Variants in GLS observed in about 807,000 individuals in gnomAD.
GLS encodes glutaminase kidney isoform, mitochondrial.
In GLS, 36 loss-of-function variants were observed where a neutral mutation model predicts 86.7. The observed-to-expected ratio is 0.42, with a 90% CI of 0.32 to 0.55. GLS has a LOEUF of 0.55. Among genes scored for constraint, GLS ranks in the 20% least tolerant of loss-of-function variants. The pLI is 0.17. For synonymous variants in GLS, 317 were observed against 305.9 expected (o/e 1.04, Z -0.38); for missense variants, 528 against 833.4 (o/e 0.63, Z 4.51).
At chr2:190,908,575 G>T (rs1259609928) in intron 6 of GLS, among the ~76,000 whole-genome samples, 1 of 152,188 alleles carries the variant, frequency 6.6e-6, no homozygotes, top group African/African-American at 2.4e-5. Context: ...AGTGTTGTAG[G>T]TTATTTCTGC....
At chr2:190,959,906 G>T (rs1328169554) in intron 17 of GLS, among the ~76,000 whole-genome samples, 1 of 152,168 alleles carries the variant, frequency 6.6e-6, no homozygotes, top group Non-Finnish European at 1.5e-5. Flanking sequence ...GTTTCAGAAG[G>T]CTTCATGAAG....
intron 11 of GLS, 75 bp from the exon 12 acceptor site, chr2:190,927,231 A>G (rs1325911335): frequency 9.2e-7 from 1 of 1,089,444 alleles, no homozygotes; most frequent in Non-Finnish European, 1.3e-6. Context: ...TGAAATACCA[A>G]ATAAAATAGA....
chr2:190,961,498 T>C lies in GLS; in HGVS notation c.1854-1332T>C, dbSNP rs1047959244. 1.2e-4 allele frequency among the ~76,000 whole-genome samples: 19 copies of C among 152,298 alleles called. No individual in the cohort carries two copies. In the South Asian group the frequency reaches 3.9e-3, roughly 32 times the overall value. ...AGGCATCACTGTATCTGGCTGAAAT[T>C]AGTGTATTCTTTAAAGTTCATATTT... is the stretch of plus-strand genomic sequence containing the variant. On this transcript the variant is annotated intron_variant, in intron 17 of 17. Transcript: ENST00000320717.
chr2:190,916,256 C>A lies in GLS; in HGVS notation c.1039-4768C>A, dbSNP rs551494658. 9.9e-5 allele frequency among the ~76,000 whole-genome samples: 15 copies of A among 152,130 alleles called. 1 individual carries two copies. The East Asian group carries it at 2.3e-3, about 23-fold the overall frequency. The stretch of plus-strand genomic sequence containing the variant: ...TTTAATTTTTTATTGTGAAAAAATT[C>A]AAACATACAAAATACACGAGTATGA... On this transcript the variant is annotated intron_variant, in intron 7 of 17. Coordinates refer to ENST00000320717, the MANE Select transcript of GLS (RefSeq NM_014905.5).
At chr2:190,934,244 A>T (rs1248863363) in intron 14 of GLS, 3 of 957,892 alleles carry the variant, frequency 3.1e-6, no homozygotes, top group East Asian at 1.1e-4. Context: ...AGCAAAAAAG[A>T]TTTCACTGAG....
intron 6 of GLS, among the ~76,000 whole-genome samples, chr2:190,907,317 G>GCGCAATCTCGGCTCAC (rs1205648943): frequency 6.6e-6 from 1 of 151,542 alleles, no homozygotes; most frequent in Non-Finnish European, 1.5e-5. Flanking sequence ...TCTCGGCTCG[G>GCGCAATCTCGGCTCAC]CGCAATCTCG....
In GLS at chr2:190,962,240, G is replaced by T. The variant is rs1471011065; in HGVS notation, c.1854-590G>T. ...TATGGAAAGGGGAGTTACTCTTCTG[G>T]TGTAGTGGTCCGATTGAGTCCATGG... is the stretch of plus-strand genomic sequence containing the variant. On this transcript the variant is annotated intron_variant, in intron 17 of 17. Coordinates refer to ENST00000320717, the MANE Select transcript of GLS (RefSeq NM_014905.5). The surrounding 1 kb of genome is among the most constrained non-coding windows in gnomAD (Gnocchi z 4.2). Among the ~76,000 whole-genome samples the T allele has an allele frequency of 6.6e-6, 1 of 152,164 alleles. No homozygotes were observed. Among genetic ancestry groups the T allele is most frequent in the African/African-American group, 2.4e-5 (1 of 41,436 alleles).
intron 14 of GLS, among the ~76,000 whole-genome samples, chr2:190,939,180 C>A (rs1690356597): frequency 6.6e-6 from 1 of 151,508 alleles, no homozygotes; most frequent in Admixed American, 6.6e-5. Context: ...CCCAAGTTTC[C>A]TAATTTGTCT....
rs1688708697 is a variant in GLS at position 190,895,713 on chromosome 2, A to T, written c.593A>T (p.Asp198Val). The T allele has an allele frequency of 6.3e-7, 1 of 1,575,422 alleles. No homozygotes were observed. Among genetic ancestry groups the T allele is most frequent in the South Asian group, 1.2e-5 (1 of 85,646 alleles). Residue 198 changes from aspartate (D) to valine (V), a missense_variant, in exon 3 of 18, where the codon GAT (aspartate) becomes GTT (valine). Asp to Val is a radical substitution (Grantham distance 152). This residue lies in a region of GLS where 111 missense variants were observed against 179.5 expected (regional missense o/e 0.62). Coordinates refer to ENST00000320717, the MANE Select transcript of GLS (RefSeq NM_014905.5). This position sits in a 1 kb window ranked among gnomAD's most constrained non-coding sequence, Gnocchi z 4.2. ...TCAGATGGTGTCATGCTAGACAAAGATCTTTTTAAAAAGTAAAAGTTTCTG... is the reference window on the plus strand; with the variant it reads ...TCAGATGGTGTCATGCTAGACAAAGTTCTTTTTAAAAAGTAAAAGTTTCTG... Reference protein sequence around the residue: ...TTSDGVMLDKDLFKKCVQSNI... With the variant: ...TTSDGVMLDKVLFKKCVQSNI...
chr2:190,886,481 A>G (rs1688381903), intron 1 of GLS, among the ~76,000 whole-genome samples: 1 of 152,212 alleles, frequency 6.6e-6, no homozygotes, highest in African/African-American at 2.4e-5. Flanking sequence ...ACTACCAAAT[A>G]GAATTCAGCC....
intron 9 of GLS, 104 bp from the exon 10 acceptor site, chr2:190,923,812 TA>T: frequency 1.4e-6 from 1 of 730,202 alleles, no homozygotes; most frequent in Non-Finnish European, 2.4e-6. Context: ...TCCTGAATCT[TA>T]GTTCAGTGTT....
At chr2:190,922,570 G>A (rs1212723080) in intron 9 of GLS, among the ~76,000 whole-genome samples, 1 of 152,060 alleles carries the variant, frequency 6.6e-6, no homozygotes, top group East Asian at 1.9e-4. Context: ...ATGGAATGTT[G>A]TGTCTTCCAG....
chr2:190,907,571 A>G (rs1476319447), intron 6 of GLS, among the ~76,000 whole-genome samples: 1 of 152,230 alleles, frequency 6.6e-6, no homozygotes, highest in African/African-American at 2.4e-5. Flanking sequence ...AGTAGTTTTA[A>G]AATGTTTGCA....
chr2:190,937,329 A>G (rs1690300463), intron 14 of GLS, among the ~76,000 whole-genome samples: 2 of 151,070 alleles, frequency 1.3e-5, no homozygotes, highest in African/African-American at 4.8e-5. Flanking sequence ...TTATACCCCA[A>G]CCTCCAGCTA....
Position 190,955,073 on chromosome 2 carries a change from A to ATT in GLS, c.1853+264_1853+265dup, listed in dbSNP as rs534855624. On this transcript the variant is annotated intron_variant, in intron 17 of 17. Transcript: ENST00000320717. The surrounding 1 kb of genome is among the most constrained non-coding windows in gnomAD (Gnocchi z 5.6). ...GTCAATACACTGTATGAACAAAACA[A>ATT]TTTTTTTTTTGCATTTGGGAAGAAA... 1.3e-5 allele frequency among the ~76,000 whole-genome samples: 2 copies of ATT among 149,630 alleles called. No individual in the cohort carries two copies. The highest frequency in any genetic ancestry group is 2.5e-5 in the African/African-American group (1 of 40,750).
Position 190,954,798 on chromosome 2 carries a change from A to G in GLS, c.1833A>G (p.Val611=). ...VVKFLLEACK[V]NPFPKDRWNN... ...AATTTTTGCTGGAAGCCTGCAAAGTAAACCCTTTCCCCAAGGACAGGTGAG... is the reference window on the plus strand; with the variant it reads ...AATTTTTGCTGGAAGCCTGCAAAGTGAACCCTTTCCCCAAGGACAGGTGAG... Residue 611 remains valine (V), a synonymous_variant, in exon 17 of 18, where the codon GTA becomes GTG. Coordinates refer to ENST00000320717, the MANE Select transcript of GLS (RefSeq NM_014905.5). The surrounding 1 kb of genome is among the most constrained non-coding windows in gnomAD (Gnocchi z 4.0). 1 of 1,612,814 alleles carries G rather than the reference A, an allele frequency of 6.2e-7. No individual in the cohort carries two copies. The highest frequency in any genetic ancestry group is 1.1e-5 in the South Asian group (1 of 91,000).
chr2:190,902,270 A>T (rs1339257061), intron 5 of GLS, among the ~76,000 whole-genome samples: 1 of 152,198 alleles, frequency 6.6e-6, no homozygotes, highest in East Asian at 1.9e-4. Context: ...TATTATTCAA[A>T]TACCTGCAGT....
chr2:190,962,830 G>A lies in GLS; in HGVS notation c.1854G>A (p.Arg618=). The part of the protein sequence containing the change: ...ACKVNPFPKD[R]WNNTPMDEAL... ...TGTCCATGCTGTGCTACGTGTTTAG[G>A]TGGAATAACACTCCCATGGATGAAG... The change falls in exon 18 of 18, where the codon AGG becomes AGA. Residue 618 remains arginine (R), a splice_region_variant and synonymous_variant. Transcript: ENST00000320717. This position sits in a 1 kb window ranked among gnomAD's most constrained non-coding sequence, Gnocchi z 4.2. The A allele has an allele frequency of 6.5e-7, 1 of 1,527,196 alleles. No homozygotes were observed. The highest frequency in any genetic ancestry group is 8.8e-7 in the Non-Finnish European group (1 of 1,141,362). 94.6% of individuals were successfully genotyped at this position (1,527,196 alleles called of 1,614,324 possible).
intron 1 of GLS, among the ~76,000 whole-genome samples, chr2:190,889,877 A>G (rs1292056611): frequency 2.0e-5 from 3 of 152,242 alleles, no homozygotes; most frequent in Non-Finnish European, 4.4e-5. Flanking sequence ...CACTAATTGA[A>G]TATAATCTCA....
Sources: gnomAD v4.1 joint callset for allele counts (sites outside exome capture counted in the v4.1 genomes callset) on GRCh38, gnomAD v4.1.1 for gene constraint, gnomAD v4.1.1 regional missense constraint, Gnocchi (gnomAD v3.1) non-coding constraint, MANE v1.5 for transcripts, NCBI Gene and HGNC (gene_info 2026-07-23, HGNC 2026-07-21) for gene names.